The following SEZ6L variants were observed in gnomAD, a reference collection of about 807,000 sequenced individuals.
SEZ6L encodes the protein seizure 6-like protein.
A neutral mutation model predicts 106.2 loss-of-function variants in SEZ6L; 37 were observed. That is an observed-to-expected ratio of 0.35 (90% confidence interval 0.27 to 0.46). The LOEUF (loss-of-function observed/expected upper bound fraction) is 0.46, where lower values mean the gene tolerates loss of function less well. Ranked by LOEUF, SEZ6L falls within the 20% of genes least tolerant of loss-of-function variation. SEZ6L has a pLI of 1.00. For synonymous variants in SEZ6L, 541 were observed against 570.4 expected (o/e 0.95, Z 0.73); for missense variants, 1,172 against 1,332.8 (o/e 0.88, Z 1.88).
At chr22:26,336,934 A>G (rs1466131274) in intron 9 of SEZ6L, among the ~76,000 whole-genome samples, 1 of 152,172 alleles carries the variant, frequency 6.6e-6, no homozygotes, top group African/African-American at 2.4e-5. Context: ...GGTGGTGATG[A>G]TGATGATGAC....
At chr22:26,267,687 T>A (rs1056866244) in intron 1 of SEZ6L, among the ~76,000 whole-genome samples, 1 of 152,180 alleles carries the variant, frequency 6.6e-6, no homozygotes, top group African/African-American at 2.4e-5. Context: ...AAAAGGCACT[T>A]CGAACTTAAT....
chr22:26,277,829 G>T (rs1018007785), intron 1 of SEZ6L, among the ~76,000 whole-genome samples: 1 of 152,166 alleles, frequency 6.6e-6, no homozygotes, highest in African/African-American at 2.4e-5. Flanking sequence ...CTCTGTCCTC[G>T]AGAAACTTCC....
At chr22:26,246,359 G>T (rs2079344496) in intron 1 of SEZ6L, among the ~76,000 whole-genome samples, 1 of 152,184 alleles carries the variant, frequency 6.6e-6, no homozygotes, top group South Asian at 2.1e-4. Flanking sequence ...TATTTGGCAT[G>T]TAATAGACAC....
chr22:26,196,475 G>C (rs1367217065), intron 1 of SEZ6L, among the ~76,000 whole-genome samples: 1 of 152,164 alleles, frequency 6.6e-6, no homozygotes, highest in Non-Finnish European at 1.5e-5. Context: ...GCAAATGAGG[G>C]CAAGCCTGCT....
intron 1 of SEZ6L, among the ~76,000 whole-genome samples, chr22:26,250,113 G>A (rs2079520743): frequency 6.6e-6 from 1 of 152,122 alleles, no homozygotes; most frequent in Admixed American, 6.5e-5. Flanking sequence ...CCATTCTGCA[G>A]GTTGTCTCTT....
In SEZ6L at chr22:26,284,480, C is replaced by T. The variant is rs144515110; in HGVS notation, c.95-7926C>T. The stretch of plus-strand genomic sequence containing the variant: ...AAAATATTAGCCGGGCATGTTGGCT[C>T]ATGCCTGTAACCCTAACTATTCTGG... On this transcript the variant is annotated intron_variant, in intron 1 of 16. Transcript: ENST00000248933. Among the ~76,000 whole-genome samples the T allele has an allele frequency of 2.3e-3, 357 of 151,998 alleles. 9 individuals carry two copies. The East Asian group carries it at 0.041, about 18-fold the overall frequency.
intron 9 of SEZ6L, among the ~76,000 whole-genome samples, chr22:26,331,521 A>T (rs2145968729): frequency 6.6e-6 from 1 of 152,294 alleles, no homozygotes. Flanking sequence ...AAAAACCATA[A>T]CAGAAAGCTT....
At chr22:26,355,972 G>T (rs1487664757) in intron 12 of SEZ6L, among the ~76,000 whole-genome samples, 1 of 152,212 alleles carries the variant, frequency 6.6e-6, no homozygotes, top group East Asian at 1.9e-4. Flanking sequence ...GTGACCTTGG[G>T]CAAGTAACTT....
At chr22:26,269,366 A>G (rs528070160) in intron 1 of SEZ6L, among the ~76,000 whole-genome samples, 12 of 152,286 alleles carry the variant, frequency 7.9e-5, no homozygotes, top group African/African-American at 2.6e-4. Context: ...CAGAGCTTGA[A>G]CTAGCAGTAC....
At chr22:26,304,416 GAAAGAAAGAAAGAAAA>G (rs1432406153) in intron 5 of SEZ6L, among the ~76,000 whole-genome samples, 12 of 141,998 alleles carry the variant, frequency 8.5e-5, no homozygotes, top group African/African-American at 3.1e-4. Context: ...AAGAAAGAAA[GAAAGAAAGAAAGAAAA>G]AGAAAGGAAA....
intron 1 of SEZ6L, among the ~76,000 whole-genome samples, chr22:26,193,331 T>G (rs1250051227): frequency 1.3e-5 from 2 of 152,140 alleles, no homozygotes; most frequent in Non-Finnish European, 2.9e-5. Flanking sequence ...TTGGTGAATA[T>G]CCTAGCCTGT....
chr22:26,361,211 A>G (rs1448381685), intron 12 of SEZ6L, among the ~76,000 whole-genome samples: 2 of 152,106 alleles, frequency 1.3e-5, no homozygotes, highest in Non-Finnish European at 1.5e-5. Context: ...AAAATATATT[A>G]CATAGGCCAG....
chr22:26,205,762 A>G (rs1941241102), intron 1 of SEZ6L, among the ~76,000 whole-genome samples: 1 of 152,122 alleles, frequency 6.6e-6, no homozygotes, highest in South Asian at 2.1e-4. Context: ...TTCTCCCGAG[A>G]GTCTCTTCAA....
At chr22:26,196,074 G>A (rs1319812231) in intron 1 of SEZ6L, among the ~76,000 whole-genome samples, 2 of 152,152 alleles carry the variant, frequency 1.3e-5, no homozygotes, top group African/African-American at 4.8e-5. Flanking sequence ...TGAGTTGGTG[G>A]GAGGAGATTT....
chr22:26,320,671 A>C (rs1323950080), intron 9 of SEZ6L, among the ~76,000 whole-genome samples: 1 of 152,190 alleles, frequency 6.6e-6, no homozygotes. Context: ...AAGAGGAAAT[A>C]CAGCACTCTG....
rs532313568 is a variant in SEZ6L at position 26,207,221 on chromosome 22, C to T, written c.94+37458C>T. Among the ~76,000 whole-genome samples the T allele has an allele frequency of 5.9e-5, 9 of 152,222 alleles. No homozygotes were observed. The South Asian group carries it at 1.9e-3, about 32-fold the overall frequency. On this transcript the variant is annotated intron_variant, in intron 1 of 16. Coordinates refer to ENST00000248933, the MANE Select transcript of SEZ6L (RefSeq NM_021115.5). Reference sequence around the variant, plus strand: ...GGAGATAACTGGGAAGGAGAAGGCACCACAGTATTCCATTCATCTTGCTTT... The same window carrying T: ...GGAGATAACTGGGAAGGAGAAGGCATCACAGTATTCCATTCATCTTGCTTT...
chr22:26,324,518 G>A (rs895761887), intron 9 of SEZ6L, among the ~76,000 whole-genome samples: 1 of 152,204 alleles, frequency 6.6e-6, no homozygotes, highest in Middle Eastern at 3.2e-3. Flanking sequence ...AGATATAGCT[G>A]CTTTGGACTG....
At chr22:26,375,725 C>T in intron 15 of SEZ6L, 36 bp downstream of exon 15, 1 of 1,514,640 alleles carries the variant, frequency 6.6e-7, no homozygotes, top group Non-Finnish European at 9.1e-7. Context: ...TGCCAAGCAC[C>T]CAGCCACCAG....
At chr22:26,227,200 C>A (rs1161328528) in intron 1 of SEZ6L, among the ~76,000 whole-genome samples, 1 of 152,164 alleles carries the variant, frequency 6.6e-6, no homozygotes, top group East Asian at 1.9e-4. Context: ...TGGAGTCCTG[C>A]ATATTCAGGC....
Sources: gnomAD v4.1 joint callset for allele counts (sites outside exome capture counted in the v4.1 genomes callset) on GRCh38, gnomAD v4.1.1 for gene constraint, MANE v1.5 for transcripts, NCBI Gene and HGNC (gene_info 2026-07-23, HGNC 2026-07-21) for gene names.